ARHGAP39: variants seen among roughly 807,000 people sequenced by gnomAD.
ARHGAP39 encodes the protein Rho GTPase activating protein 39.
A neutral mutation model predicts 106.9 loss-of-function variants in ARHGAP39; 44 were observed. The ratio of observed to expected loss-of-function variants is 0.41; its 90% CI spans 0.32 to 0.53. The LOEUF is 0.53. ARHGAP39 is among the 20% of genes least tolerant of loss of function. ARHGAP39 has a pLI of 0.21. For synonymous variants in ARHGAP39, 768 were observed against 693.2 expected, an observed-to-expected ratio of 1.11 and a Z score of -1.69; for missense variants, 1,496 against 1,577.3, an observed-to-expected ratio of 0.95 and a Z score of 0.87.
At chr8:144,543,504 A>C (rs1394861268) in intron 6 of ARHGAP39, among the ~76,000 whole-genome samples, 1 of 152,236 alleles carries the variant, frequency 6.6e-6, no homozygotes, top group Non-Finnish European at 1.5e-5. Context: ...ACAGTACCAC[A>C]GCCAAGATGC....
chr8:144,607,580 A>C (rs528561049), intron 1 of ARHGAP39, among the ~76,000 whole-genome samples: 1 of 151,772 alleles, frequency 6.6e-6, no homozygotes, highest in Admixed American at 6.6e-5. Context: ...CCCGCCCCCC[A>C]GGAGAGGCCA....
chr8:144,586,315 A>T lies in ARHGAP39; in HGVS notation c.81-5038T>A, dbSNP rs1246674265. ...ATTCTCAGCCAGCAGTGGCCACAAC[A>T]GGACTTCCTTCCATGACGTTTCTCA... On this transcript the variant is annotated intron_variant, in intron 2 of 11. Coordinates refer to ENST00000377307, the MANE Select transcript of ARHGAP39 (RefSeq NM_025251.3). This position sits in a 1 kb window ranked among gnomAD's most constrained non-coding sequence, Gnocchi z 4.2. The T allele has an allele frequency of 6.6e-6, 1 of 152,296 alleles. No homozygotes were observed. Among genetic ancestry groups the T allele is most frequent in the Admixed American group, 6.5e-5 (1 of 15,284 alleles). The allele number at this position is 152,296 out of a possible 1,614,324, so 9.4% of individuals were successfully genotyped here.
rs1817394920 is a variant in ARHGAP39, at chr8:144,545,820, A to G, written c.1960-10T>C. On this transcript the variant is annotated splice_polypyrimidine_tract_variant and intron_variant, in intron 5 of 11. Transcript: ENST00000377307. ...CAGCGAGGTCCTCAGACTGAGAAGG[A>G]CAAATGCGGCTGGGCTGTTGGGGGT... 6.6e-7 allele frequency: 1 copy of G among 1,524,058 alleles called. No homozygotes were observed. Among genetic ancestry groups the G allele is most frequent in the Non-Finnish European group, 8.8e-7 (1 of 1,138,354 alleles). The allele number at this position is 1,524,058 out of a possible 1,614,324, so 94.4% of individuals were successfully genotyped here. A position where few individuals can be genotyped will look rare whatever the true frequency, so the allele number is the denominator to read the frequency against.
intron 1 of ARHGAP39, among the ~76,000 whole-genome samples, chr8:144,618,470 C>G (rs1266414540): frequency 6.6e-6 from 1 of 152,258 alleles, no homozygotes; most frequent in Non-Finnish European, 1.5e-5. Context: ...CTGGAGGTCA[C>G]CGTGGACTCT....
intron 2 of ARHGAP39, among the ~76,000 whole-genome samples, chr8:144,601,268 C>CTG (rs367944544): frequency 8.2e-6 from 1 of 122,428 alleles, no homozygotes; most frequent in African/African-American, 3.2e-5. Flanking sequence ...GCTCGTGAAC[C>CTG]TGTGTGTGTG....
intron 1 of ARHGAP39, among the ~76,000 whole-genome samples, chr8:144,613,423 G>A (rs1820545252): frequency 6.6e-6 from 1 of 151,224 alleles, no homozygotes; most frequent in Admixed American, 6.6e-5. Flanking sequence ...CAGCTGTTGT[G>A]TGTTTGGAAA....
chr8:144,575,778 G>A (rs1427319916), intron 3 of ARHGAP39, among the ~76,000 whole-genome samples: 1 of 152,162 alleles, frequency 6.6e-6, no homozygotes, highest in East Asian at 1.9e-4. Context: ...ACTATGCACG[G>A]TTCATAACCA....
At chr8:144,566,148 G>A (rs576671433) in intron 3 of ARHGAP39, among the ~76,000 whole-genome samples, 4 of 152,060 alleles carry the variant, frequency 2.6e-5, no homozygotes, top group African/African-American at 7.2e-5. Context: ...TTTCTCAAAC[G>A]TGATGAAGAC....
chr8:144,608,680 T>C (rs1016118869), intron 1 of ARHGAP39, among the ~76,000 whole-genome samples: 2 of 152,218 alleles, frequency 1.3e-5, no homozygotes, highest in African/African-American at 4.8e-5. Flanking sequence ...AATCTATCGA[T>C]GAGTAAGAGG....
chr8:144,605,670 C>T lies in ARHGAP39; in HGVS notation c.-56G>A, dbSNP rs1006589193. On this transcript the variant is annotated 5_prime_UTR_variant, in exon 2 of 12. Coordinates refer to ENST00000377307, the MANE Select transcript of ARHGAP39 (RefSeq NM_025251.3). ...ACGTCAGGGCACCATACGCACAACG[C>T]CAGCATCAGACGGGAAGGTGCCGCA... 7 of 1,571,258 alleles carry T rather than the reference C, an allele frequency of 4.5e-6. No homozygotes were observed. In the African/African-American group the frequency reaches 9.4e-5, roughly 21 times the overall value.
intron 8 of ARHGAP39, among the ~76,000 whole-genome samples, chr8:144,533,817 G>A (rs141748899): frequency 1.3e-5 from 2 of 152,340 alleles, no homozygotes; most frequent in Non-Finnish European, 2.9e-5. Flanking sequence ...AAGAGGATGT[G>A]GGGAAGGGGC....
chr8:144,545,608 G>A lies in ARHGAP39; in HGVS notation c.2162C>T (p.Ala721Val), dbSNP rs753546432. 2.5e-6 allele frequency: 4 copies of A among 1,613,634 alleles called. No individual in the cohort carries two copies. The highest frequency in any genetic ancestry group is 1.7e-5 in the Admixed American group (1 of 59,996). ...CTTCTTGATGGACTCGCTGCTCCAG[G>A]CCAGCATGTTGGCGATGGACACCTT... is the stretch of plus-strand genomic sequence containing the variant. ...RRKVSIANML[A>V]WSSESIKKPM... The change falls in exon 6 of 12, where the codon GCC becomes GTC. Residue 721 changes from alanine to valine, a missense_variant. Transcript: ENST00000377307.
chr8:144,605,172 G>A (rs1820236115), intron 2 of ARHGAP39, among the ~76,000 whole-genome samples: 3 of 152,186 alleles, frequency 2.0e-5, no homozygotes, highest in Admixed American at 6.5e-5. Flanking sequence ...GAGGTGGGAG[G>A]ACTGCTTTAG....
intron 2 of ARHGAP39, among the ~76,000 whole-genome samples, chr8:144,595,674 G>T (rs935335165): frequency 1.3e-5 from 2 of 152,190 alleles, no homozygotes; most frequent in African/African-American, 2.4e-5. Flanking sequence ...CATGTGGAGG[G>T]TGCAGAGGCT....
chr8:144,606,692 AC>A (rs1820305096), intron 1 of ARHGAP39, among the ~76,000 whole-genome samples: 1 of 152,260 alleles, frequency 6.6e-6, no homozygotes, highest in Admixed American at 6.5e-5. Flanking sequence ...GTTTTTGACC[AC>A]CTGGTGGGGG....
chr8:144,533,386 C>T, intron 8 of ARHGAP39, 61 bp from the exon 9 acceptor site: 2 of 1,542,024 alleles, frequency 1.3e-6, no homozygotes, highest in Non-Finnish European at 1.8e-6. Context: ...CCCCGCCACC[C>T]CGGTTGTCTT....
At chr8:144,619,551 C>T (rs577480376) in intron 1 of ARHGAP39, among the ~76,000 whole-genome samples, 96 of 150,458 alleles carry the variant, frequency 6.4e-4, no homozygotes, top group Non-Finnish European at 1.1e-3. Context: ...AGCCTGTGTC[C>T]GAGACAGCGT....
At chr8:144,650,317 G>A (rs1380359733) in intron 1 of ARHGAP39, among the ~76,000 whole-genome samples, 1 of 152,122 alleles carries the variant, frequency 6.6e-6, no homozygotes, top group South Asian at 2.1e-4. Context: ...AATTCTACCC[G>A]ATGTACAAAG....
chr8:144,602,596 G>A (rs545995602), intron 2 of ARHGAP39, among the ~76,000 whole-genome samples: 117 of 145,642 alleles, frequency 8.0e-4, no homozygotes, highest in Admixed American at 1.6e-3. Flanking sequence ...GTGTGGAGGT[G>A]TGTGTGCGAG....
Sources: gnomAD v4.1 joint callset for allele counts (sites outside exome capture counted in the v4.1 genomes callset) on GRCh38, gnomAD v4.1.1 for gene constraint, Gnocchi (gnomAD v3.1) non-coding constraint, MANE v1.5 for transcripts, NCBI Gene and HGNC (gene_info 2026-07-23, HGNC 2026-07-21) for gene names.